LATS1: variants seen among roughly 807,000 people sequenced by gnomAD.
The protein encoded by LATS1 is large tumor suppressor kinase 1.
LATS1 carries 25 observed loss-of-function variants against 106.6 expected under a neutral mutation model. That is an observed-to-expected ratio of 0.23 (90% CI 0.17 to 0.33). The LOEUF (loss-of-function observed/expected upper bound fraction) is 0.33, where lower values mean the gene tolerates loss of function less well. LATS1 is among the 10% of genes least tolerant of loss of function. LATS1 has a pLI of 1.00. For synonymous variants in LATS1, 465 were observed against 455.6 expected (o/e 1.02, Z -0.26); for missense variants, 1,040 against 1,382.6 (o/e 0.75, Z 3.93).
intron 3 of LATS1, among the ~76,000 whole-genome samples, chr6:149,686,577 G>A (rs1470964249): frequency 6.6e-6 from 1 of 152,094 alleles, no homozygotes; most frequent in Non-Finnish European, 1.5e-5. Context: ...GTTTTCTTCT[G>A]CTGATACTAC....
intron 3 of LATS1, among the ~76,000 whole-genome samples, chr6:149,692,593 A>C (rs1782821855): frequency 6.6e-6 from 1 of 152,202 alleles, no homozygotes; most frequent in Non-Finnish European, 1.5e-5. Flanking sequence ...AAAGAGCCTG[A>C]AACAGTGGTT....
At chr6:149,697,171 C>T in intron 2 of LATS1, 1 of 1,335,524 alleles carries the variant, frequency 7.5e-7, no homozygotes, top group Non-Finnish European at 9.9e-7. Flanking sequence ...GAACAGGCTA[C>T]TGACAGATGA....
chr6:149,694,016 G>T (rs1241117195), intron 3 of LATS1, among the ~76,000 whole-genome samples: 1 of 152,018 alleles, frequency 6.6e-6, no homozygotes, highest in Non-Finnish European at 1.5e-5. Flanking sequence ...CTTGAACCTG[G>T]GATGCAGAGG....
In LATS1 at chr6:149,702,148, C is replaced by A; in HGVS notation, c.-22G>T. On this transcript the variant is annotated 5_prime_UTR_variant, in exon 2 of 8. Transcript: ENST00000543571. ...TCATGAAAACATCTATATATGTAGC[C>A]CACACGAAGGACTTCTTTATTTGAT... 1 of 1,489,668 alleles carries A rather than the reference C, an allele frequency of 6.7e-7. No homozygotes were observed. Among genetic ancestry groups the A allele is most frequent in the African/African-American group, 1.4e-5 (1 of 71,352 alleles). 92.3% of individuals were successfully genotyped at this position (1,489,668 alleles called of 1,614,324 possible).
intron 7 of LATS1, among the ~76,000 whole-genome samples, chr6:149,671,323 G>A (rs1362752791): frequency 6.6e-6 from 1 of 151,818 alleles, no homozygotes; most frequent in African/African-American, 2.4e-5. Context: ...TAGCAGAGAC[G>A]GGGTTTCGCC....
At chr6:149,663,382 G>A (rs945221164) in intron 7 of LATS1, among the ~76,000 whole-genome samples, 2 of 152,134 alleles carry the variant, frequency 1.3e-5, no homozygotes, top group Non-Finnish European at 2.9e-5. Context: ...CTTGAGGTGG[G>A]AGGATGACCT....
At chr6:149,716,494 A>T (rs1377071340) in intron 1 of LATS1, 1 of 152,200 alleles carries the variant, frequency 6.6e-6, no homozygotes, top group Non-Finnish European at 1.5e-5. Flanking sequence ...TCTCCCATTG[A>T]TGTAAATAAA....
chr6:149,663,085 T>C (rs1780961820), intron 7 of LATS1, among the ~76,000 whole-genome samples: 2 of 152,144 alleles, frequency 1.3e-5, no homozygotes, highest in Admixed American at 1.3e-4. Flanking sequence ...CGCTGAACTC[T>C]TGGAGGCAGG....
At position 149,684,489 on chromosome 6, in the gene LATS1, A is replaced by G. The variant is rs1364816014; in HGVS notation, c.600T>C (p.Tyr200=). Residue 200 remains tyrosine (Y), a synonymous_variant, in exon 4 of 8, where the codon TAT becomes TAC. Transcript: ENST00000543571. ...HGPPLGESVA[Y]HSESPNSQTD... Reference sequence around the variant, plus strand: ...TCTGTGAGTTGGGACTCTCAGAATGATAGGCCACACTTTCTCCTAGTGGCG... The same window carrying G: ...TCTGTGAGTTGGGACTCTCAGAATGGTAGGCCACACTTTCTCCTAGTGGCG... The G allele has an allele frequency of 1.2e-6, 2 of 1,614,034 alleles. No homozygotes were observed. The highest frequency in any genetic ancestry group is 1.7e-6 in the Non-Finnish European group (2 of 1,180,022).
rs1414285809 is a variant in LATS1 at position 149,660,568 on chromosome 6, A to G, written c.*1161T>C. Reference sequence around the variant, plus strand: ...TTCCCCTTCCTAAAAGATAAGCTACATGTATTTTGGTATGAAACCTTAATC... The same window carrying G: ...TTCCCCTTCCTAAAAGATAAGCTACGTGTATTTTGGTATGAAACCTTAATC... On this transcript the variant is annotated 3_prime_UTR_variant, in exon 8 of 8. Transcript: ENST00000543571. The G allele has an allele frequency of 1.7e-5, 4 of 232,708 alleles. No individual in the cohort carries two copies. Among genetic ancestry groups the G allele is most frequent in the African/African-American group, 8.8e-5 (4 of 45,336 alleles). The allele number at this position is 232,708 out of a possible 1,614,324, so 14.4% of individuals were successfully genotyped here. A position where few individuals can be genotyped will look rare whatever the true frequency, so the allele number is the denominator to read the frequency against.
chr6:149,715,557 T>C lies in LATS1; in HGVS notation c.-141+2292A>G, dbSNP rs543543700. On this transcript the variant is annotated intron_variant, in intron 1 of 7. Transcript: ENST00000543571. ...CATAGTTTAATAAAATGAACATATGTATAATATACATATAGCATATTCCTT... is the reference window on the plus strand; with the variant it reads ...CATAGTTTAATAAAATGAACATATGCATAATATACATATAGCATATTCCTT... 5.3e-5 allele frequency among the ~76,000 whole-genome samples: 8 copies of C among 152,302 alleles called. No individual in the cohort carries two copies. In the East Asian group the frequency reaches 1.3e-3, roughly 26 times the overall value.
Position 149,660,879 on chromosome 6 carries a change from A to G in LATS1, c.*850T>C, listed in dbSNP as rs1780857910. 1.4e-5 allele frequency: 3 copies of G among 208,760 alleles called. No individual in the cohort carries two copies. The highest frequency in any genetic ancestry group is 1.2e-4 in the Admixed American group (2 of 16,938). The allele number at this position is 208,760 out of a possible 1,614,324, so 12.9% of individuals were successfully genotyped here. A position where few individuals can be genotyped will look rare whatever the true frequency, so the allele number is the denominator to read the frequency against. On this transcript the variant is annotated 3_prime_UTR_variant, in exon 8 of 8. Coordinates refer to ENST00000543571, the MANE Select transcript of LATS1 (RefSeq NM_004690.4). ...ATAATCAAAATAGTTACTATACAGG[A>G]AAAGTATATGAAAATTAAAATAATT...
intron 6 of LATS1, 54 bp downstream of exon 6, chr6:149,676,501 C>A: frequency 1.3e-6 from 2 of 1,529,934 alleles, no homozygotes; most frequent in South Asian, 2.3e-5. Context: ...ATTCTAGTGT[C>A]GTTTTGGCTG....
At chr6:149,674,509 C>T (rs796555709) in intron 7 of LATS1, among the ~76,000 whole-genome samples, 10 of 151,908 alleles carry the variant, frequency 6.6e-5, no homozygotes, top group African/African-American at 2.2e-4. Context: ...GTAGCTAGGA[C>T]CACAAATATG....
intron 7 of LATS1, among the ~76,000 whole-genome samples, chr6:149,667,969 G>A (rs1207333127): frequency 1.3e-5 from 2 of 152,172 alleles, no homozygotes; most frequent in African/African-American, 4.8e-5. Context: ...CGCCCCGGCT[G>A]GAGTGCAGTG....
At chr6:149,700,045 A>G (rs1200468639) in intron 2 of LATS1, among the ~76,000 whole-genome samples, 1 of 152,194 alleles carries the variant, frequency 6.6e-6, no homozygotes, top group Non-Finnish European at 1.5e-5. Context: ...AACGAGAAAA[A>G]CATTATCCCA....
Position 149,676,250 on chromosome 6 carries a change from C to T in LATS1, c.2883+10G>A, listed in dbSNP as rs747970470. 1.9e-6 allele frequency: 3 copies of T among 1,552,990 alleles called. No individual in the cohort carries two copies. The African/African-American group carries it at 4.1e-5, about 21-fold the overall frequency. Reference sequence around the variant, plus strand: ...GTGAGAATTCTTTTGATATAGATGCCATACCTTACCTTCATTTGTGTTTCT... The same window carrying T: ...GTGAGAATTCTTTTGATATAGATGCTATACCTTACCTTCATTTGTGTTTCT... On this transcript the variant is annotated intron_variant, in intron 7 of 7. Coordinates refer to ENST00000543571, the MANE Select transcript of LATS1 (RefSeq NM_004690.4).
chr6:149,669,676 T>C (rs913605574), intron 7 of LATS1, among the ~76,000 whole-genome samples: 1 of 151,822 alleles, frequency 6.6e-6, no homozygotes, highest in African/African-American at 2.4e-5. Context: ...CGGGAGAATC[T>C]TGAACCCGGG....
In LATS1 at chr6:149,659,416, G is replaced by A. The variant is rs1016392486; in HGVS notation, c.*2313C>T. On this transcript the variant is annotated 3_prime_UTR_variant, in exon 8 of 8. Coordinates refer to ENST00000543571, the MANE Select transcript of LATS1 (RefSeq NM_004690.4). ...TTGAGGATGCAGTGAGCTGTGAAGC[G>A]CCACTGCCCTCCAGCCTGGGTGACA... The A allele has an allele frequency of 8.5e-5, 18 of 212,410 alleles. No homozygotes were observed. Among genetic ancestry groups the A allele is most frequent in the Middle Eastern group, 1.4e-3 (1 of 700 alleles). 13.2% of individuals were successfully genotyped at this position (212,410 alleles called of 1,614,324 possible).
Sources: gnomAD v4.1 joint callset for allele counts (sites outside exome capture counted in the v4.1 genomes callset) on GRCh38, gnomAD v4.1.1 for gene constraint, MANE v1.5 for transcripts, NCBI Gene and HGNC (gene_info 2026-07-23, HGNC 2026-07-21) for gene names.